The following MEIOSIN variants were observed in gnomAD, a reference collection of about 807,000 sequenced individuals.
MEIOSIN encodes the protein meiosis initiator.
Under a neutral mutation model 23.4 loss-of-function variants are expected in MEIOSIN, and 18 were observed. That is an observed-to-expected ratio of 0.77 (90% CI 0.53 to 1.14). The LOEUF (loss-of-function observed/expected upper bound fraction) is 1.14, where lower values mean the gene tolerates loss of function less well. Ranked by LOEUF, MEIOSIN falls within the 50% of genes most tolerant of loss-of-function variation. MEIOSIN has a pLI of 0.00. For missense variants in MEIOSIN, 428 were observed against 242.9 expected (o/e 1.76, Z -5.07); for synonymous variants, 187 against 100.6 (o/e 1.86, Z -5.14).
rs796801632 is a variant in MEIOSIN at position 45,747,594 on chromosome 19, G to A, written c.306+2273G>A. 3.3e-5 allele frequency among the ~76,000 whole-genome samples: 5 copies of A among 152,184 alleles called. No individual in the cohort carries two copies. In the South Asian group the frequency reaches 6.2e-4, roughly 19 times the overall value. The stretch of plus-strand genomic sequence containing the variant: ...CAGACAGCAGACAGCAGTAACAACC[G>A]TTCCCAACTTACTGAGCGTTCCAGG... On this transcript the variant is annotated intron_variant, in intron 4 of 14. Coordinates refer to ENST00000457052, the MANE Select transcript of MEIOSIN (RefSeq NM_001310124.2).
intron 4 of MEIOSIN, among the ~76,000 whole-genome samples, chr19:45,747,608 G>GA (rs1968618050): frequency 1.3e-5 from 2 of 152,202 alleles, no homozygotes; most frequent in South Asian, 4.1e-4. Flanking sequence ...CCAACTTACT[G>GA]AGCGTTCCAG....
chr19:45,737,786 A>T (rs945938833), intron 2 of MEIOSIN, among the ~76,000 whole-genome samples: 1 of 151,874 alleles, frequency 6.6e-6, no homozygotes, highest in South Asian at 2.1e-4. Context: ...TACAAAAATT[A>T]GCTGGGCATG....
chr19:45,758,799 A>G (rs1028349538), intron 9 of MEIOSIN, 79 bp from the exon 10 acceptor site: 1 of 654,924 alleles, frequency 1.5e-6, no homozygotes, highest in East Asian at 2.7e-5. Flanking sequence ...ATCAGGCACT[A>G]TCTCCTCAAT....
At chr19:45,760,207 C>T (rs1239245496) in intron 11 of MEIOSIN, among the ~76,000 whole-genome samples, 1 of 152,042 alleles carries the variant, frequency 6.6e-6, no homozygotes, top group Non-Finnish European at 1.5e-5. Flanking sequence ...GTGGCTCACA[C>T]CTGTAATCTC....
intron 5 of MEIOSIN, among the ~76,000 whole-genome samples, chr19:45,753,450 C>T (rs959930825): frequency 1.3e-5 from 2 of 152,130 alleles, no homozygotes; most frequent in African/African-American, 4.8e-5. Flanking sequence ...CAAAACAGCC[C>T]TGAAGAAACC....
Position 45,756,078 on chromosome 19 carries a change from G to A in MEIOSIN, c.911G>A (p.Arg304Lys), listed in dbSNP as rs1414902962. 3 of 702,676 alleles carry A rather than the reference G, an allele frequency of 4.3e-6. No homozygotes were observed. Among genetic ancestry groups the A allele is most frequent in the African/African-American group, 1.7e-5 (1 of 57,240 alleles). 43.5% of individuals were successfully genotyped at this position (702,676 alleles called of 1,614,324 possible). A position where few individuals can be genotyped will look rare whatever the true frequency, so the allele number is the denominator to read the frequency against. Residue 304 changes from arginine (R) to lysine (K), a missense_variant and splice_region_variant, in exon 8 of 15, where the codon AGG becomes AAG. By Grantham distance (26) the Arg-to-Lys change is conservative (BLOSUM62 2). Coordinates refer to ENST00000457052, the MANE Select transcript of MEIOSIN (RefSeq NM_001310124.2). The stretch of plus-strand genomic sequence containing the variant: ...CTCAACAAGACCCAGCCCCATCCCA[G>A]GTAAGGGCGTCCCCAGGGCACTGAG... ...HFLNKTQPHP[R>K]QKLVFYDSSE...
chr19:45,752,651 C>T (rs571119116), intron 5 of MEIOSIN, among the ~76,000 whole-genome samples: 1 of 152,262 alleles, frequency 6.6e-6, no homozygotes, highest in East Asian at 1.9e-4. Flanking sequence ...CCAAGCCTGA[C>T]TTGTTTCTAT....
At chr19:45,756,689 GC>G (rs1375024497) in intron 8 of MEIOSIN, among the ~76,000 whole-genome samples, 1 of 152,106 alleles carries the variant, frequency 6.6e-6, no homozygotes, top group Non-Finnish European at 1.5e-5. Flanking sequence ...CTCCCAGAGT[GC>G]TGGGATTATA....
rs959515507 is a variant in MEIOSIN at position 45,753,639 on chromosome 19, C to G, written c.419-12C>G. On this transcript the variant is annotated splice_polypyrimidine_tract_variant and intron_variant, in intron 5 of 14. Transcript: ENST00000457052. ...TGGGGGATCTGAGCTGTTTCCCTCT[C>G]CATCCCTGCAGGGCTGGGTCAGAAA... The G allele has an allele frequency of 3.0e-5, 21 of 698,524 alleles. No homozygotes were observed. Among genetic ancestry groups the G allele is most frequent in the Non-Finnish European group, 4.7e-5 (18 of 383,152 alleles). The allele number at this position is 698,524 out of a possible 1,614,324, so 43.3% of individuals were successfully genotyped here.
At chr19:45,747,300 C>T (rs1968612680) in intron 4 of MEIOSIN, among the ~76,000 whole-genome samples, 3 of 152,176 alleles carry the variant, frequency 2.0e-5, no homozygotes, top group African/African-American at 4.8e-5. Flanking sequence ...CAGTGCTCCG[C>T]GCCATAGCAG....
rs564243295 is a variant in MEIOSIN, at chr19:45,733,684, A to C, written c.-1+18A>C. The C allele has an allele frequency of 6.6e-6, 1 of 152,268 alleles. No individual in the cohort carries two copies. Among genetic ancestry groups the C allele is most frequent in the East Asian group, 1.9e-4 (1 of 5,174 alleles). The allele number at this position is 152,268 out of a possible 1,614,324, so 9.4% of individuals were successfully genotyped here. ...GCCCTGAGGCGGGTGCTGGAGGCCAAGGGGAATGGGGCGCGGGGCAGGGGG... is the reference window on the plus strand; with the variant it reads ...GCCCTGAGGCGGGTGCTGGAGGCCACGGGGAATGGGGCGCGGGGCAGGGGG... On this transcript the variant is annotated intron_variant, in intron 1 of 14. Transcript: ENST00000457052. The surrounding 1 kb of genome is among the most constrained non-coding windows in gnomAD (Gnocchi z 5.7).
At chr19:45,754,080 G>A (rs567852560) in intron 6 of MEIOSIN, among the ~76,000 whole-genome samples, 9 of 152,214 alleles carry the variant, frequency 5.9e-5, no homozygotes, top group Admixed American at 1.3e-4. Flanking sequence ...AGGTTGAAAC[G>A]ATTCTCCTGC....
chr19:45,738,505 G>A (rs960834596), intron 2 of MEIOSIN, among the ~76,000 whole-genome samples: 14 of 152,194 alleles, frequency 9.2e-5, no homozygotes, highest in Non-Finnish European at 2.9e-5. Context: ...GTAATCCCAA[G>A]CTACTCAGGT....
Position 45,745,899 on chromosome 19 carries a change from T to G in MEIOSIN, c.306+578T>G, listed in dbSNP as rs544422599. On this transcript the variant is annotated intron_variant, in intron 4 of 14. Transcript: ENST00000457052. Reference sequence around the variant, plus strand: ...ATTTATTCTCTTATGGTTCTGGAGTTCAGAAGTCCAATATCAGTCTCAGTG... The same window carrying G: ...ATTTATTCTCTTATGGTTCTGGAGTGCAGAAGTCCAATATCAGTCTCAGTG... Among the ~76,000 whole-genome samples, 192 of 152,210 alleles carry G rather than the reference T, an allele frequency of 1.3e-3. 1 individual carries two copies. Among genetic ancestry groups the G allele is most frequent in the Non-Finnish European group, 2.2e-3 (149 of 68,006 alleles).
Position 45,761,692 on chromosome 19 carries a change from A to G in MEIOSIN, c.1259A>G (p.Lys420Arg). Reference protein sequence around the residue: ...EAPQEKDTASKAPKDPPESHS... With the variant: ...EAPQEKDTASRAPKDPPESHS... ...ATCATGCCCCAGGACACAGCCTCCA[A>G]GGCCCCCAAAGACCCTCCTGAGTCC... is the stretch of plus-strand genomic sequence containing the variant. Residue 420 changes from lysine to arginine, a missense_variant, in exon 12 of 15, where the codon AAG becomes AGG. Physicochemically the swap from Lys to Arg is conservative, Grantham distance 26 (BLOSUM62 2). Coordinates refer to ENST00000457052, the MANE Select transcript of MEIOSIN (RefSeq NM_001310124.2). The G allele has an allele frequency of 1.4e-6, 1 of 702,638 alleles. No homozygotes were observed. The allele number at this position is 702,638 out of a possible 1,614,324, so 43.5% of individuals were successfully genotyped here.
chr19:45,762,819 G>A (rs1968972897), intron 13 of MEIOSIN, among the ~76,000 whole-genome samples: 1 of 152,198 alleles, frequency 6.6e-6, no homozygotes, highest in South Asian at 2.1e-4. Context: ...GCTGGTTTTA[G>A]GGCTCACACA....
At chr19:45,754,044 A>ACATCT (rs61584447) in intron 6 of MEIOSIN, among the ~76,000 whole-genome samples, 81,347 of 151,538 alleles carry the variant, frequency 0.54, 22,514 homozygotes, top group East Asian at 0.65. Context: ...GTACAGTGAC[A>ACATCT]CAGCTCACTG....
In MEIOSIN at chr19:45,764,394, CCT is replaced by C. The variant is rs1969018002; in HGVS notation, c.*280_*281del. 2 of 350,812 alleles carry C rather than the reference CCT, an allele frequency of 5.7e-6. No homozygotes were observed. The highest frequency in any genetic ancestry group is 2.1e-5 in the African/African-American group (1 of 47,658). The allele number at this position is 350,812 out of a possible 1,614,324, so 21.7% of individuals were successfully genotyped here. A position where few individuals can be genotyped will look rare whatever the true frequency, so the allele number is the denominator to read the frequency against. On this transcript the variant is annotated 3_prime_UTR_variant, in exon 15 of 15. Transcript: ENST00000457052. ...TGTCGGAAGGTGAAGTTTACCCACC[CCT>C]CTCCCCTTCCCTTCCCCACCCCAGA...
Position 45,739,353 on chromosome 19 carries a change from A to T in MEIOSIN, c.72-273A>T, listed in dbSNP as rs186067400. ...GTTTTAGTGAAAACGGGGTTTCACC[A>T]TGTTGGTCAGGCTGGTCTCGAACTC... On this transcript the variant is annotated intron_variant, in intron 2 of 14. Transcript: ENST00000457052. Among the ~76,000 whole-genome samples the T allele has an allele frequency of 3.2e-3, 494 of 152,182 alleles. 3 individuals are homozygous for T. The highest frequency in any genetic ancestry group is 0.011 in the African/African-American group (460 of 41,524).
Sources: gnomAD v4.1 joint callset for allele counts (sites outside exome capture counted in the v4.1 genomes callset) on GRCh38, gnomAD v4.1.1 for gene constraint, Gnocchi (gnomAD v3.1) non-coding constraint, MANE v1.5 for transcripts, NCBI Gene and HGNC (gene_info 2026-07-23, HGNC 2026-07-21) for gene names.